The following LY75 variants were observed in gnomAD, a reference collection of about 807,000 sequenced individuals.
LY75 encodes lymphocyte antigen 75, also known as C-type lectin domain family 13 member B.
LY75 carries 185 observed loss-of-function variants against 231.7 expected under a neutral mutation model. The observed-to-expected ratio is 0.80, with a 90% CI of 0.71 to 0.90. The LOEUF is 0.90. Among genes scored for constraint, LY75 ranks in the 40% least tolerant of loss-of-function variants. The pLI is 0.00. For synonymous variants in LY75, 668 were observed against 689.0 expected (o/e 0.97, Z 0.48); for missense variants, 1,947 against 2,050.2 (o/e 0.95, Z 0.97).
rs774859293 is a variant in LY75, at chr2:159,890,310, C to G, written c.705G>C (p.Gln235His). The G allele has an allele frequency of 4.0e-5, 65 of 1,613,404 alleles. No homozygotes were observed. The Middle Eastern group carries it at 4.9e-4, about 12-fold the overall frequency. Residue 235 changes from glutamine (Q) to histidine (H), a missense_variant, in exon 4 of 35, where the codon CAG (glutamine) becomes CAC (histidine). Coordinates refer to ENST00000263636, the MANE Select transcript of LY75 (RefSeq NM_002349.4). ...AAGCTTCTTTCCAAGAAAGAGCCGT[C>G]TGAGTATTAAATTGGTAGCAACTTC... ...QFGSCYQFNTQTALSWKEAYV... is the reference protein window; with the variant it reads ...QFGSCYQFNTHTALSWKEAYV...
At chr2:159,808,731 AT>A in intron 32 of LY75, 160 bp from the exon 33 acceptor site, 2 of 639,600 alleles carry the variant, frequency 3.1e-6, no homozygotes, top group Non-Finnish European at 3.9e-6. Context: ...TTAGGTCAAA[AT>A]TTTATAAGTA....
At chr2:159,835,322 T>C (rs2125843578) in intron 26 of LY75, among the ~76,000 whole-genome samples, 158 bp downstream of exon 26, 1 of 152,302 alleles carries the variant, frequency 6.6e-6, no homozygotes, top group South Asian at 2.1e-4. Context: ...ATAATTCTAC[T>C]TGAATACAAA....
chr2:159,891,729 T>C (rs183153958), intron 3 of LY75, among the ~76,000 whole-genome samples: 204 of 152,268 alleles, frequency 1.3e-3, no homozygotes, highest in Non-Finnish European at 2.3e-3. Flanking sequence ...GGGGTAAATA[T>C]GTACAGTGGG....
chr2:159,874,135 C>CGTATATTTTGTAAATATATATAAA (rs1560093113), intron 12 of LY75, among the ~76,000 whole-genome samples: 72 of 92,090 alleles, frequency 7.8e-4, no homozygotes, highest in African/African-American at 2.8e-3. Context: ...AATATATAAA[C>CGTATATTTTGTAAATATATATAAA]GTATATATAT....
intron 29 of LY75, among the ~76,000 whole-genome samples, chr2:159,819,100 C>G (rs894035484): frequency 2.0e-5 from 3 of 152,142 alleles, no homozygotes; most frequent in Non-Finnish European, 4.4e-5. Context: ...GTGACTGCGG[C>G]GCTGTAAGTG....
At chr2:159,837,390 C>G (rs1560074063) in intron 25 of LY75, among the ~76,000 whole-genome samples, 1 of 152,180 alleles carries the variant, frequency 6.6e-6, no homozygotes, top group Non-Finnish European at 1.5e-5. Context: ...AATGCAGGAA[C>G]AGAAGACCAA....
intron 25 of LY75, among the ~76,000 whole-genome samples, chr2:159,839,572 T>G (rs1311247248): frequency 6.6e-6 from 1 of 152,210 alleles, no homozygotes; most frequent in Non-Finnish European, 1.5e-5. Flanking sequence ...TGCTGAATTT[T>G]TTCTTCTTAA....
At chr2:159,852,145 T>C (rs764449930) in intron 21 of LY75, 56 bp downstream of exon 21, 166 of 1,595,946 alleles carry the variant, frequency 1.0e-4, no homozygotes, top group Non-Finnish European at 1.4e-4. Context: ...TGCCATAGGC[T>C]ATAAAACCAG....
chr2:159,849,893 A>G (rs1488464396), intron 23 of LY75, 87 bp downstream of exon 23: 1 of 1,494,770 alleles, frequency 6.7e-7, no homozygotes, highest in African/African-American at 1.4e-5. Flanking sequence ...GGAATAATAC[A>G]GTGGGGTTTT....
intron 3 of LY75, among the ~76,000 whole-genome samples, chr2:159,892,249 C>CA (rs1332639481): frequency 6.6e-6 from 1 of 152,238 alleles, no homozygotes; most frequent in East Asian, 1.9e-4. Flanking sequence ...AGAGCTTCTG[C>CA]ATTCTGAAGC....
At chr2:159,885,426 G>A in intron 5 of LY75, 133 bp from the exon 6 acceptor site, 3 of 1,121,766 alleles carry the variant, frequency 2.7e-6, no homozygotes, top group African/African-American at 3.1e-5. Flanking sequence ...TAACTAAATT[G>A]AAACGTATAA....
At position 159,850,483 on chromosome 2, in the gene LY75, T is replaced by G. The variant is rs747656215; in HGVS notation, c.2884-16A>C. 6.2e-7 allele frequency: 1 copy of G among 1,612,732 alleles called. No individual in the cohort carries two copies. The highest frequency in any genetic ancestry group is 1.1e-5 in the South Asian group (1 of 91,020). On this transcript the variant is annotated splice_polypyrimidine_tract_variant and intron_variant, in intron 21 of 34. Coordinates refer to ENST00000263636, the MANE Select transcript of LY75 (RefSeq NM_002349.4). ...TTAGAAAACACTGCAAACAAAGACA[T>G]ATGTGAAGCATGAGATTCCAGACAC...
At chr2:159,874,709 TGTAA>T (rs1685186018) in intron 12 of LY75, among the ~76,000 whole-genome samples, 2 of 8,960 alleles carry the variant, frequency 2.2e-4, no homozygotes, top group African/African-American at 6.4e-4. Flanking sequence ...TGTAAATATA[TGTAA>T]ATATATATAT....
intron 12 of LY75, among the ~76,000 whole-genome samples, chr2:159,874,161 AAACGTATATATATT>A (rs1377293529): frequency 3.0e-4 from 32 of 107,274 alleles, no homozygotes; most frequent in Non-Finnish European, 4.8e-4. Context: ...AAATATATAT[AAACGTATATATATT>A]GTAAATATAT....
chr2:159,822,647 G>T (rs1243574542), intron 28 of LY75, among the ~76,000 whole-genome samples: 1 of 152,200 alleles, frequency 6.6e-6, no homozygotes, highest in Non-Finnish European at 1.5e-5. Flanking sequence ...CCTCAAGTGG[G>T]TCTCTGACCC....
intron 2 of LY75, among the ~76,000 whole-genome samples, chr2:159,895,145 G>A (rs758879231): frequency 4.6e-5 from 7 of 152,132 alleles, no homozygotes; most frequent in African/African-American, 7.2e-5. Flanking sequence ...TCCAGTGTCC[G>A]TCTAACTAAA....
intron 7 of LY75, 99 bp from the exon 8 acceptor site, chr2:159,881,339 G>A (rs1222395460): frequency 2.9e-6 from 4 of 1,372,764 alleles, no homozygotes; most frequent in East Asian, 4.8e-5. Context: ...GGAGTTTTAA[G>A]AGCCTTTGTA....
chr2:159,894,065 C>G lies in LY75; in HGVS notation c.486G>C (p.Gly162=). ...ATTCACAAGGTCTCCCATAAGAGTTCCCATCTCTGGTATAGATCTCTGGGT... is the reference window on the plus strand; with the variant it reads ...ATTCACAAGGTCTCCCATAAGAGTTGCCATCTCTGGTATAGATCTCTGGGT... The part of the protein sequence containing the change: ...QPYHEIYTRD[G]NSYGRPCEFP... The change falls in exon 3 of 35, where the codon GGG becomes GGC. Residue 162 remains glycine (G), a synonymous_variant. Transcript: ENST00000263636. 6.2e-7 allele frequency: 1 copy of G among 1,611,540 alleles called. No homozygotes were observed. The highest frequency in any genetic ancestry group is 8.5e-7 in the Non-Finnish European group (1 of 1,178,684).
intron 23 of LY75, among the ~76,000 whole-genome samples, chr2:159,843,987 C>T (rs962846764): frequency 6.6e-6 from 1 of 151,916 alleles, no homozygotes; most frequent in Non-Finnish European, 1.5e-5. Flanking sequence ...CAAAAATGCT[C>T]CTGGATAAGG....
Sources: allele counts gnomAD v4.1 joint callset (sites outside exome capture counted in the v4.1 genomes callset), GRCh38; gene constraint gnomAD v4.1.1; transcripts MANE v1.5; gene names NCBI Gene and HGNC (gene_info 2026-07-23, HGNC 2026-07-21).